Variants in TMEFF1 observed in about 807,000 individuals in gnomAD.
The protein encoded by TMEFF1 is tomoregulin-1.
Under a neutral mutation model 47.5 loss-of-function variants are expected in TMEFF1, and 20 were observed. That is an observed-to-expected ratio of 0.42 (90% CI 0.30 to 0.61). The LOEUF (loss-of-function observed/expected upper bound fraction) is 0.61. Among genes scored for constraint, TMEFF1 ranks in the 20% least tolerant of loss-of-function variants. TMEFF1 has a pLI of 0.19. For missense variants in TMEFF1, 411 were observed against 471.1 expected (o/e 0.87, Z 1.18); for synonymous variants, 162 against 166.3 (o/e 0.97, Z 0.20).
At chr9:100,474,159 G>T (rs1837175121) in intron 1 of TMEFF1, among the ~76,000 whole-genome samples, 1 of 151,172 alleles carries the variant, frequency 6.6e-6, no homozygotes. Context: ...TGCGGTGGGT[G>T]GGAGACGGCG....
At chr9:100,488,499 G>T (rs1837491048) in intron 1 of TMEFF1, among the ~76,000 whole-genome samples, 1 of 152,200 alleles carries the variant, frequency 6.6e-6, no homozygotes, top group Non-Finnish European at 1.5e-5. Context: ...ATGAGAGGTT[G>T]TGCCACTATG....
intron 5 of TMEFF1, among the ~76,000 whole-genome samples, chr9:100,524,322 A>G (rs1024942792): frequency 6.6e-6 from 1 of 152,214 alleles, no homozygotes; most frequent in African/African-American, 2.4e-5. Context: ...AAAATAGAAT[A>G]CTGCTATTAT....
At position 100,485,539 on chromosome 9, in the gene TMEFF1, C is replaced by T. The variant is rs144799324; in HGVS notation, c.196+11799C>T. 2.0e-3 allele frequency among the ~76,000 whole-genome samples: 304 copies of T among 152,306 alleles called. 1 individual carries two copies. The highest frequency in any genetic ancestry group is 2.7e-3 in the Non-Finnish European group (186 of 68,018). ...TTGTTATTGTCTTCTTTGTTATAACCAACCATCTTCATTTAAGTTCCTATT... is the reference window on the plus strand; with the variant it reads ...TTGTTATTGTCTTCTTTGTTATAACTAACCATCTTCATTTAAGTTCCTATT... On this transcript the variant is annotated intron_variant, in intron 1 of 9. Transcript: ENST00000374879.
intron 5 of TMEFF1, among the ~76,000 whole-genome samples, chr9:100,523,029 C>T (rs186025023): frequency 2.0e-5 from 3 of 152,346 alleles, no homozygotes; most frequent in South Asian, 4.1e-4. Context: ...TGGGCTACCA[C>T]GCCCAGCCCA....
intron 5 of TMEFF1, among the ~76,000 whole-genome samples, chr9:100,525,112 C>T (rs867487514): frequency 6.6e-6 from 1 of 152,178 alleles, no homozygotes. Context: ...TTGCCCTCTA[C>T]ACCTTGTATA....
chr9:100,559,063 G>A (rs1370732123), intron 7 of TMEFF1, among the ~76,000 whole-genome samples: 1 of 152,110 alleles, frequency 6.6e-6, no homozygotes, highest in Admixed American at 6.5e-5. Context: ...GCCATTATAT[G>A]TACTACATTC....
chr9:100,568,432 A>G (rs1375388096), intron 8 of TMEFF1, among the ~76,000 whole-genome samples: 1 of 152,222 alleles, frequency 6.6e-6, no homozygotes, highest in Non-Finnish European at 1.5e-5. Context: ...AATGTTCTTT[A>G]TGTTAGAAGG....
intron 5 of TMEFF1, among the ~76,000 whole-genome samples, chr9:100,530,701 A>G (rs1004241688): frequency 2.6e-5 from 4 of 152,210 alleles, no homozygotes. Context: ...ATTCCAATCA[A>G]TAGAAAAAGA....
chr9:100,489,570 A>G (rs1273710749), intron 1 of TMEFF1, among the ~76,000 whole-genome samples: 2 of 152,208 alleles, frequency 1.3e-5, no homozygotes, highest in Admixed American at 6.5e-5. Context: ...GTTTGTTGTA[A>G]AACTCAATTC....
rs1453007927 is a variant in TMEFF1 at position 100,518,299 on chromosome 9, TA to T, written c.560+1531del. ...ACATGATAAAATACATATCTTTATG[TA>T]AACACCTCCTCATAGTGTAATATGT... On this transcript the variant is annotated intron_variant, in intron 5 of 9. Coordinates refer to ENST00000374879, the MANE Select transcript of TMEFF1 (RefSeq NM_003692.5). 5.3e-5 allele frequency: 15 copies of T among 281,870 alleles called. No homozygotes were observed. In the Admixed American group the frequency reaches 9.7e-4, roughly 18 times the overall value. The allele number at this position is 281,870 out of a possible 1,614,324, so 17.5% of individuals were successfully genotyped here.
chr9:100,570,758 C>T (rs1428329336), intron 8 of TMEFF1, among the ~76,000 whole-genome samples: 1 of 151,976 alleles, frequency 6.6e-6, no homozygotes, highest in Admixed American at 6.6e-5. Flanking sequence ...CCTGGATTTC[C>T]CTGTTTCCCT....
chr9:100,515,317 G>A (rs1440110759), intron 4 of TMEFF1, among the ~76,000 whole-genome samples: 1 of 152,020 alleles, frequency 6.6e-6, no homozygotes, highest in East Asian at 1.9e-4. Context: ...ATGATGTTTT[G>A]GGGCCTCAGA....
chr9:100,527,461 G>A (rs1838284443), intron 5 of TMEFF1, among the ~76,000 whole-genome samples: 1 of 152,218 alleles, frequency 6.6e-6, no homozygotes, highest in Non-Finnish European at 1.5e-5. Context: ...CCCTTTCCGA[G>A]TCAAAGAAAG....
At chr9:100,474,117 C>A (rs546998480) in intron 1 of TMEFF1, among the ~76,000 whole-genome samples, 3 of 150,004 alleles carry the variant, frequency 2.0e-5, no homozygotes, top group Middle Eastern at 3.4e-3. Flanking sequence ...GAGGGCGGCC[C>A]CAGGCAGGGA....
intron 7 of TMEFF1, among the ~76,000 whole-genome samples, chr9:100,557,485 C>G (rs1838934924): frequency 6.6e-6 from 1 of 152,102 alleles, no homozygotes; most frequent in African/African-American, 2.4e-5. Flanking sequence ...GACATATACC[C>G]TTCGCCAGTC....
intron 9 of TMEFF1, among the ~76,000 whole-genome samples, chr9:100,575,449 C>G (rs1839333454): frequency 6.6e-6 from 1 of 152,148 alleles, no homozygotes; most frequent in Non-Finnish European, 1.5e-5. Context: ...AGTGACAGTA[C>G]AAGAGGGTTG....
chr9:100,513,684 A>T (rs987037792), intron 4 of TMEFF1, among the ~76,000 whole-genome samples: 2 of 152,124 alleles, frequency 1.3e-5, no homozygotes, highest in African/African-American at 4.8e-5. Flanking sequence ...TAAGGGGAAG[A>T]TGTTGTAGTT....
chr9:100,474,184 G>C (rs1013395294), intron 1 of TMEFF1, among the ~76,000 whole-genome samples: 1 of 151,314 alleles, frequency 6.6e-6, no homozygotes, highest in Non-Finnish European at 1.5e-5. Context: ...GGCTGGGCGG[G>C]GTGAGGGCAG....
chr9:100,480,187 C>G (rs544602564), intron 1 of TMEFF1, among the ~76,000 whole-genome samples: 1 of 151,898 alleles, frequency 6.6e-6, no homozygotes, highest in Admixed American at 6.6e-5. Flanking sequence ...AATGTCTATT[C>G]AGATCCTTTG....
Sources: gnomAD v4.1 joint callset for allele counts (sites outside exome capture counted in the v4.1 genomes callset) on GRCh38, gnomAD v4.1.1 for gene constraint, MANE v1.5 for transcripts, NCBI Gene and HGNC (gene_info 2026-07-23, HGNC 2026-07-21) for gene names.